TMEM132D: variants seen among roughly 807,000 people sequenced by gnomAD.
TMEM132D encodes mature OL transmembrane protein.
A neutral mutation model predicts 62.3 loss-of-function variants in TMEM132D; 21 were observed. The observed-to-expected ratio is 0.34, with a 90% CI of 0.24 to 0.49. The LOEUF (loss-of-function observed/expected upper bound fraction) is 0.49. Ranked by LOEUF, TMEM132D falls within the 20% of genes least tolerant of loss-of-function variation. The probability of loss-of-function intolerance (pLI) is 0.99; values close to 1 mark genes in which losing one functional copy is unlikely to be tolerated. For synonymous variants in TMEM132D, 621 were observed against 575.6 expected, an observed-to-expected ratio of 1.08 and a Z score of -1.13; for missense variants, 1,346 against 1,402.8, an observed-to-expected ratio of 0.96 and a Z score of 0.65.
chr12:129,429,600 A>G (rs1281166970), intron 3 of TMEM132D, among the ~76,000 whole-genome samples: 6 of 147,236 alleles, frequency 4.1e-5, no homozygotes, highest in African/African-American at 1.5e-4. Context: ...TTTTTTTAAT[A>G]TACTTTAAGT....
chr12:129,851,063 CA>C (rs949962530), intron 1 of TMEM132D, among the ~76,000 whole-genome samples: 95 of 152,270 alleles, frequency 6.2e-4, no homozygotes, highest in African/African-American at 2.1e-3. Flanking sequence ...AACGACATCT[CA>C]ATATTCATGC....
intron 1 of TMEM132D, among the ~76,000 whole-genome samples, chr12:129,832,354 T>A (rs1872870122): frequency 1.3e-5 from 2 of 151,568 alleles, no homozygotes; most frequent in South Asian, 4.2e-4. Context: ...TATATATACA[T>A]AAAATATTTT....
At chr12:129,498,635 G>A (rs749398387) in intron 3 of TMEM132D, among the ~76,000 whole-genome samples, 2 of 152,162 alleles carry the variant, frequency 1.3e-5, no homozygotes, top group African/African-American at 2.4e-5. Flanking sequence ...TGGTCAGAAC[G>A]CAGAGTTTTG....
At chr12:129,444,819 G>C (rs1204587611) in intron 3 of TMEM132D, among the ~76,000 whole-genome samples, 1 of 152,188 alleles carries the variant, frequency 6.6e-6, no homozygotes, top group Non-Finnish European at 1.5e-5. Context: ...CTATCAAAAA[G>C]TCAAAAATTA....
At chr12:129,596,006 A>C (rs10744426) in intron 2 of TMEM132D, among the ~76,000 whole-genome samples, 42,405 of 152,238 alleles carry the variant, frequency 0.28, 7,241 homozygotes, top group Non-Finnish European at 0.37. Flanking sequence ...ATAAGTTCAA[A>C]GGCTTGAAAC....
intron 4 of TMEM132D, among the ~76,000 whole-genome samples, chr12:129,251,677 C>T (rs998241273): frequency 6.6e-6 from 1 of 152,200 alleles, no homozygotes; most frequent in Non-Finnish European, 1.5e-5. Flanking sequence ...TGCTCCTCTT[C>T]TTTCGGGCCA....
intron 4 of TMEM132D, among the ~76,000 whole-genome samples, chr12:129,278,506 C>T (rs116625102): frequency 0.014 from 2,073 of 152,102 alleles, 47 homozygotes; most frequent in African/African-American, 0.047. Context: ...GTCTTGCATC[C>T]GGGTCTCAGC....
intron 2 of TMEM132D, among the ~76,000 whole-genome samples, chr12:129,562,609 T>C (rs1037149334): frequency 6.6e-6 from 1 of 152,154 alleles, no homozygotes; most frequent in Non-Finnish European, 1.5e-5. Flanking sequence ...TGGATCATAA[T>C]GTCTCTGAAC....
intron 5 of TMEM132D, among the ~76,000 whole-genome samples, chr12:129,178,619 T>C (rs116453169): frequency 2.4e-4 from 36 of 152,252 alleles, no homozygotes; most frequent in African/African-American, 7.7e-4. Context: ...TAGGCCTTCT[T>C]AGGGTGATAT....
At chr12:129,106,487 A>G (rs1408066555) in intron 5 of TMEM132D, among the ~76,000 whole-genome samples, 1 of 152,232 alleles carries the variant, frequency 6.6e-6, no homozygotes, top group Non-Finnish European at 1.5e-5. Context: ...AAATAAAAAA[A>G]TAGAATATCT....
chr12:129,138,201 G>A (rs1299090543), intron 5 of TMEM132D, among the ~76,000 whole-genome samples: 1 of 152,144 alleles, frequency 6.6e-6, no homozygotes, highest in African/African-American at 2.4e-5. Flanking sequence ...AGTGCTGCCA[G>A]GCATTCCATT....
chr12:129,462,334 T>A lies in TMEM132D; in HGVS notation c.1115+68725A>T, dbSNP rs147180787. Among the ~76,000 whole-genome samples the A allele has an allele frequency of 1.9e-4, 29 of 152,152 alleles. No homozygotes were observed. The East Asian group carries it at 5.2e-3, about 27-fold the overall frequency. On this transcript the variant is annotated intron_variant, in intron 3 of 8. Transcript: ENST00000422113. The stretch of plus-strand genomic sequence containing the variant: ...ACAGGCAGATAGACTGAGTCAGAGA[T>A]AGGAACACAAAAAGAGACGCTCAAA...
intron 2 of TMEM132D, among the ~76,000 whole-genome samples, chr12:129,613,809 C>A (rs79463039): frequency 0.039 from 5,830 of 151,366 alleles, 144 homozygotes; most frequent in Non-Finnish European, 0.059. Context: ...GGACTGTCTG[C>A]AGAACCCAGG....
chr12:129,499,087 G>A (rs1875047922), intron 3 of TMEM132D, among the ~76,000 whole-genome samples: 1 of 152,152 alleles, frequency 6.6e-6, no homozygotes, highest in Non-Finnish European at 1.5e-5. Flanking sequence ...CTGGGAGCTG[G>A]AACTAGTATA....
chr12:129,489,921 C>T (rs1402263586), intron 3 of TMEM132D, among the ~76,000 whole-genome samples: 3 of 152,212 alleles, frequency 2.0e-5, no homozygotes, highest in Non-Finnish European at 4.4e-5. Context: ...GTTCACTATA[C>T]ATCTGTCAAT....
intron 1 of TMEM132D, among the ~76,000 whole-genome samples, chr12:129,864,128 GCC>G (rs1214900060): frequency 6.6e-6 from 1 of 152,202 alleles, no homozygotes; most frequent in African/African-American, 2.4e-5. Context: ...TCTGGGGGAA[GCC>G]AGCGCCATCT....
At chr12:129,154,485 G>A (rs1044707370) in intron 5 of TMEM132D, among the ~76,000 whole-genome samples, 1 of 152,198 alleles carries the variant, frequency 6.6e-6, no homozygotes, top group Non-Finnish European at 1.5e-5. Flanking sequence ...CCTGCTTTCG[G>A]GGAATGTGTC....
chr12:129,889,152 C>A (rs1874841799), intron 1 of TMEM132D, among the ~76,000 whole-genome samples: 1 of 152,164 alleles, frequency 6.6e-6, no homozygotes, highest in Non-Finnish European at 1.5e-5. Context: ...GTCCGTAGAG[C>A]CTCACTTGAG....
intron 3 of TMEM132D, among the ~76,000 whole-genome samples, chr12:129,485,036 C>T (rs1874542745): frequency 6.6e-6 from 1 of 152,290 alleles, no homozygotes; most frequent in East Asian, 1.9e-4. Flanking sequence ...GTGCCCAGGC[C>T]TGTTAAGACC....
Sources: gnomAD v4.1 joint callset for allele counts (sites outside exome capture counted in the v4.1 genomes callset) on GRCh38, gnomAD v4.1.1 for gene constraint, MANE v1.5 for transcripts, NCBI Gene and HGNC (gene_info 2026-07-23, HGNC 2026-07-21) for gene names.